The following ATXN1 variants were observed in gnomAD, a reference collection of about 807,000 sequenced individuals.
ATXN1 encodes the protein ataxin-1.
ATXN1 carries 8 observed loss-of-function variants against 56.4 expected under a neutral mutation model. That is an observed-to-expected ratio of 0.14 (90% CI 0.08 to 0.26). The LOEUF (loss-of-function observed/expected upper bound fraction) is 0.26. ATXN1 is among the 10% of genes least tolerant of loss of function. ATXN1 has a pLI of 1.00. For synonymous variants in ATXN1, 514 were observed against 494.6 expected (o/e 1.04, Z -0.52); for missense variants, 987 against 1,106.5 (o/e 0.89, Z 1.53).
intron 2 of ATXN1, among the ~76,000 whole-genome samples, chr6:16,689,018 G>C (rs901184882): frequency 6.6e-6 from 1 of 151,414 alleles, no homozygotes; most frequent in Non-Finnish European, 1.5e-5. Flanking sequence ...ATATGTGTAC[G>C]TGTATATGCA....
chr6:16,558,440 C>A (rs976690110), intron 4 of ATXN1, among the ~76,000 whole-genome samples: 2 of 151,976 alleles, frequency 1.3e-5, no homozygotes, highest in African/African-American at 4.8e-5. Flanking sequence ...AGTAGCACGA[C>A]CATAACTCAC....
At chr6:16,715,538 A>G (rs1023703926) in intron 2 of ATXN1, among the ~76,000 whole-genome samples, 1 of 152,206 alleles carries the variant, frequency 6.6e-6, no homozygotes, top group African/African-American at 2.4e-5. Context: ...AAGATGTACA[A>G]TGGTCAAAAA....
intron 6 of ATXN1, among the ~76,000 whole-genome samples, chr6:16,349,732 A>T (rs932479448): frequency 3.3e-5 from 5 of 151,902 alleles, no homozygotes; most frequent in Admixed American, 2.6e-4. Flanking sequence ...ACTCCACACT[A>T]GTGCACTGAT....
intron 1 of ATXN1, among the ~76,000 whole-genome samples, chr6:16,755,429 C>T (rs1292597037): frequency 6.6e-6 from 1 of 151,920 alleles, no homozygotes; most frequent in Non-Finnish European, 1.5e-5. Context: ...ATTTTTAAAA[C>T]CCAGCAGAGC....
At chr6:16,440,134 C>T (rs1759484922) in intron 6 of ATXN1, among the ~76,000 whole-genome samples, 2 of 151,154 alleles carry the variant, frequency 1.3e-5, no homozygotes, top group South Asian at 2.1e-4. Flanking sequence ...GTAATCCCAG[C>T]ACTTTGGGAG....
intron 6 of ATXN1, among the ~76,000 whole-genome samples, chr6:16,350,360 C>T (rs760598751): frequency 4.6e-5 from 7 of 152,222 alleles, no homozygotes; most frequent in Non-Finnish European, 1.0e-4. Context: ...GTTCTTCTTC[C>T]TGAACTTCAG....
chr6:16,494,286 A>G (rs1168243176), intron 5 of ATXN1, among the ~76,000 whole-genome samples: 1 of 152,230 alleles, frequency 6.6e-6, no homozygotes, highest in East Asian at 1.9e-4. Flanking sequence ...TGTTCAGTCA[A>G]CATTTGATCA....
At chr6:16,653,449 A>T (rs1261674908) in intron 3 of ATXN1, among the ~76,000 whole-genome samples, 3 of 152,246 alleles carry the variant, frequency 2.0e-5, no homozygotes, top group African/African-American at 7.2e-5. Context: ...GAGGCCTAAC[A>T]GCTGAAAGAA....
chr6:16,392,678 T>G (rs1485702319), intron 6 of ATXN1, among the ~76,000 whole-genome samples: 1 of 152,134 alleles, frequency 6.6e-6, no homozygotes, highest in Non-Finnish European at 1.5e-5. Flanking sequence ...GTATTTTTAG[T>G]AGAGACAGGG....
rs958350789 is a variant in ATXN1 at position 16,304,716 on chromosome 6, G to C, written c.*1613C>G. 6.6e-6 allele frequency: 1 copy of C among 152,608 alleles called. No individual in the cohort carries two copies. The highest frequency in any genetic ancestry group is 2.4e-5 in the African/African-American group (1 of 41,440). 9.5% of individuals were successfully genotyped at this position (152,608 alleles called of 1,614,324 possible). On this transcript the variant is annotated 3_prime_UTR_variant, in exon 8 of 8. Coordinates refer to ENST00000436367, the MANE Select transcript of ATXN1 (RefSeq NM_001128164.2). ...AATTTTGCTACATTTATTTATGCTC[G>C]TTCAGTCCCCCAAACCTTTCCCACA...
intron 3 of ATXN1, among the ~76,000 whole-genome samples, chr6:16,624,946 C>A (rs1296820939): frequency 1.3e-5 from 2 of 152,182 alleles, no homozygotes; most frequent in Admixed American, 6.5e-5. Flanking sequence ...CAGAATGCAT[C>A]GCTTATCATT....
intron 3 of ATXN1, among the ~76,000 whole-genome samples, chr6:16,626,480 C>T (rs556338839): frequency 2.0e-4 from 30 of 152,092 alleles, no homozygotes; most frequent in African/African-American, 6.3e-4. Context: ...TTAGTAGAGA[C>T]GGGGTTTCAC....
At chr6:16,342,323 G>T (rs967033760) in intron 6 of ATXN1, among the ~76,000 whole-genome samples, 2 of 151,526 alleles carry the variant, frequency 1.3e-5, no homozygotes, top group Non-Finnish European at 2.9e-5. Flanking sequence ...CATTAAGATG[G>T]ACATTATATT....
rs73724858 is a variant in ATXN1, at chr6:16,398,284, C to T, written c.-160-69814G>A. On this transcript the variant is annotated intron_variant, in intron 6 of 7. Transcript: ENST00000436367. ...TAAATCAAATGCAAACACACTTCCA[C>T]CTGAATTCCTAAAGATGTCCTAGGC... Among the ~76,000 whole-genome samples the T allele has an allele frequency of 3.9e-3, 594 of 152,250 alleles. 3 individuals are homozygous for T. Among genetic ancestry groups the T allele is most frequent in the African/African-American group, 0.014 (576 of 41,530 alleles).
At chr6:16,668,313 T>C (rs374019140) in intron 2 of ATXN1, among the ~76,000 whole-genome samples, 14 of 152,114 alleles carry the variant, frequency 9.2e-5, no homozygotes, top group African/African-American at 3.1e-4. Context: ...CATTTAGCAT[T>C]AGGTATATCT....
rs538665454 is a variant in ATXN1, at chr6:16,372,750, C to CA, written c.-160-44281dup. Among the ~76,000 whole-genome samples, 461 of 151,278 alleles carry CA rather than the reference C, an allele frequency of 3.0e-3. 3 individuals are homozygous for CA. Among genetic ancestry groups the CA allele is most frequent in the Non-Finnish European group, 4.4e-3 (300 of 67,770 alleles). ...GCAACCCAGTGAGAACTCATCTCTACAAAAAAAAGGTAAAAATTAGCTGGG... is the reference window on the plus strand; with the variant it reads ...GCAACCCAGTGAGAACTCATCTCTACAAAAAAAAAGGTAAAAATTAGCTGGG... On this transcript the variant is annotated intron_variant, in intron 6 of 7. Coordinates refer to ENST00000436367, the MANE Select transcript of ATXN1 (RefSeq NM_001128164.2).
chr6:16,613,190 G>A (rs182821503), intron 3 of ATXN1, among the ~76,000 whole-genome samples: 1,939 of 148,294 alleles, frequency 0.013, 16 homozygotes, highest in African/African-American at 0.026. Flanking sequence ...GCGTGAACCC[G>A]GGAAGCGGAG....
At chr6:16,584,243 T>TATATATATATATATATATATAC (rs1403082306) in intron 4 of ATXN1, among the ~76,000 whole-genome samples, 4 of 118,520 alleles carry the variant, frequency 3.4e-5, no homozygotes, top group Non-Finnish European at 6.9e-5. Flanking sequence ...TATATATATA[T>TATATATATATATATATATATAC]ACACACACAC....
intron 2 of ATXN1, among the ~76,000 whole-genome samples, chr6:16,720,189 A>T (rs1759717835): frequency 6.6e-6 from 1 of 152,028 alleles, no homozygotes; most frequent in Admixed American, 6.6e-5. Flanking sequence ...TGGCTCCTAT[A>T]CCTTACTGCA....
Sources: gnomAD v4.1 joint callset for allele counts (sites outside exome capture counted in the v4.1 genomes callset) on GRCh38, gnomAD v4.1.1 for gene constraint, MANE v1.5 for transcripts, NCBI Gene and HGNC (gene_info 2026-07-23, HGNC 2026-07-21) for gene names.